THSD7A: variants seen among roughly 807,000 people sequenced by gnomAD.
THSD7A encodes thrombospondin type 1 domain containing 7A, also known as thrombospondin type-1 domain-containing protein 7A.
Under a neutral mutation model 231.3 loss-of-function variants are expected in THSD7A, and 96 were observed. The ratio of observed to expected loss-of-function variants is 0.41; its 90% confidence interval spans 0.35 to 0.49. THSD7A has a LOEUF of 0.49. THSD7A is among the 20% of genes least tolerant of loss of function. The probability of loss-of-function intolerance (pLI) is 0.05; values close to 1 mark genes in which losing one functional copy is unlikely to be tolerated. For synonymous variants in THSD7A, 940 were observed against 743.3 expected (o/e 1.26, Z -4.30); for missense variants, 2,290 against 2,070.2 (o/e 1.11, Z -2.06).
At chr7:11,594,066 C>T (rs115638652) in intron 2 of THSD7A, among the ~76,000 whole-genome samples, 4,210 of 152,194 alleles carry the variant, frequency 0.028, 172 homozygotes, top group African/African-American at 0.086. Flanking sequence ...GCTGCCAATG[C>T]GGCTAGAATA....
chr7:11,769,135 A>ATTTTTTTTTTTTT (rs1562541189), intron 1 of THSD7A, among the ~76,000 whole-genome samples: 1 of 36,614 alleles, frequency 2.7e-5, no homozygotes, highest in Non-Finnish European at 6.1e-5. Context: ...ATATATATAT[A>ATTTTTTTTTTTTT]TATATATATA....
At chr7:11,469,834 G>T in intron 9 of THSD7A, 45 bp downstream of exon 9, 1 of 1,355,482 alleles carries the variant, frequency 7.4e-7, no homozygotes, top group Non-Finnish European at 1.0e-6. Flanking sequence ...AGTCTACCGA[G>T]GAGGTTTTCT....
At chr7:11,823,404 T>C (rs1313918685) in intron 1 of THSD7A, among the ~76,000 whole-genome samples, 1 of 152,150 alleles carries the variant, frequency 6.6e-6, no homozygotes, top group Non-Finnish European at 1.5e-5. Flanking sequence ...CCAGGTTTGT[T>C]CTTTTTGCTT....
intron 1 of THSD7A, among the ~76,000 whole-genome samples, chr7:11,671,200 T>C (rs1453510430): frequency 1.3e-5 from 2 of 152,176 alleles, no homozygotes; most frequent in African/African-American, 4.8e-5. Context: ...CTAGCACTAG[T>C]GAAATCAATC....
intron 6 of THSD7A, among the ~76,000 whole-genome samples, chr7:11,506,253 A>C (rs1787540466): frequency 6.6e-6 from 1 of 152,042 alleles, no homozygotes. Context: ...AACCTCCTAA[A>C]ATGCTGGGAT....
intron 6 of THSD7A, among the ~76,000 whole-genome samples, chr7:11,511,712 G>A (rs903998347): frequency 6.6e-6 from 1 of 152,156 alleles, no homozygotes; most frequent in Non-Finnish European, 1.5e-5. Context: ...AAATGGTGCT[G>A]GGAAAACTGG....
At chr7:11,398,870 T>A (rs1208596677) in intron 23 of THSD7A, among the ~76,000 whole-genome samples, 1 of 152,216 alleles carries the variant, frequency 6.6e-6, no homozygotes, top group South Asian at 2.1e-4. Flanking sequence ...ATTGACATTG[T>A]GGACTTAAAG....
intron 6 of THSD7A, among the ~76,000 whole-genome samples, chr7:11,497,704 T>C (rs1273677222): frequency 6.6e-6 from 1 of 152,148 alleles, no homozygotes; most frequent in Non-Finnish European, 1.5e-5. Flanking sequence ...CTAAGAGCTG[T>C]GGCTCTCAGG....
At chr7:11,541,247 G>A (rs537175642) in intron 6 of THSD7A, among the ~76,000 whole-genome samples, 172 bp downstream of exon 6, 2 of 151,998 alleles carry the variant, frequency 1.3e-5, no homozygotes, top group Non-Finnish European at 2.9e-5. Flanking sequence ...CATTTCATTA[G>A]AACAAAAGAG....
chr7:11,611,698 A>T (rs953611247), intron 2 of THSD7A, among the ~76,000 whole-genome samples: 2 of 151,756 alleles, frequency 1.3e-5, no homozygotes, highest in Non-Finnish European at 2.9e-5. Context: ...TTTTTATAAA[A>T]CTAAGTAATA....
intron 1 of THSD7A, among the ~76,000 whole-genome samples, chr7:11,789,285 G>T (rs987624167): frequency 6.6e-6 from 1 of 151,984 alleles, no homozygotes; most frequent in African/African-American, 2.4e-5. Context: ...GTAGGCCGTT[G>T]CTGGTAACTG....
intron 4 of THSD7A, among the ~76,000 whole-genome samples, chr7:11,567,161 A>T (rs901197956): frequency 1.3e-5 from 2 of 152,144 alleles, no homozygotes; most frequent in African/African-American, 4.8e-5. Context: ...AGACTGGGTA[A>T]TTTATAAAGG....
rs542888194 is a variant in THSD7A at position 11,481,336 on chromosome 7, G to A, written c.2017+452C>T. Among the ~76,000 whole-genome samples, 17 of 152,162 alleles carry A rather than the reference G, an allele frequency of 1.1e-4. No homozygotes were observed. The East Asian group carries it at 2.5e-3, about 23-fold the overall frequency. ...AAACTGAAAATTGCAATTTTTGGTC[G>A]AACAGTAGCTATTCTTGTGATTTTA... On this transcript the variant is annotated intron_variant, in intron 7 of 27. Transcript: ENST00000423059.
chr7:11,527,742 C>T (rs1360365016), intron 6 of THSD7A, among the ~76,000 whole-genome samples: 2 of 152,128 alleles, frequency 1.3e-5, no homozygotes, highest in Non-Finnish European at 2.9e-5. Context: ...GCCTAGTAGC[C>T]ACTTATTCAA....
chr7:11,703,744 C>T (rs959758977), intron 1 of THSD7A, among the ~76,000 whole-genome samples: 8 of 151,098 alleles, frequency 5.3e-5, no homozygotes, highest in African/African-American at 7.3e-5. Flanking sequence ...ATTTCTAATG[C>T]GCTGATCAAA....
intron 1 of THSD7A, among the ~76,000 whole-genome samples, chr7:11,669,162 C>T (rs937311832): frequency 6.6e-6 from 1 of 152,086 alleles, no homozygotes; most frequent in Admixed American, 6.6e-5. Flanking sequence ...AATATGAATT[C>T]ATTCATTTAT....
chr7:11,803,978 T>C (rs1283762591), intron 1 of THSD7A, among the ~76,000 whole-genome samples: 2 of 152,162 alleles, frequency 1.3e-5, no homozygotes, highest in Non-Finnish European at 1.5e-5. Context: ...CAGTTTTGTA[T>C]GTATTTGTAT....
chr7:11,655,601 T>A (rs1782673480), intron 1 of THSD7A, among the ~76,000 whole-genome samples: 1 of 151,886 alleles, frequency 6.6e-6, no homozygotes, highest in African/African-American at 2.4e-5. Flanking sequence ...AATAATGTCA[T>A]AGAACAATTT....
chr7:11,677,249 C>T (rs927146285), intron 1 of THSD7A, among the ~76,000 whole-genome samples: 1 of 151,966 alleles, frequency 6.6e-6, no homozygotes, highest in African/African-American at 2.4e-5. Context: ...GCCTGCCTTA[C>T]AAGGGCTCCT....
Sources: allele counts gnomAD v4.1 joint callset (sites outside exome capture counted in the v4.1 genomes callset), GRCh38; gene constraint gnomAD v4.1.1; transcripts MANE v1.5; gene names NCBI Gene and HGNC (gene_info 2026-07-23, HGNC 2026-07-21).